Variants in RTP2 observed in about 807,000 individuals in gnomAD.
RTP2 encodes the protein receptor-transporting protein 2.
In RTP2, 12 loss-of-function variants were observed where a neutral mutation model predicts 17.9. The observed-to-expected ratio is 0.67, with a 90% CI of 0.43 to 1.09. The LOEUF is 1.09. Ranked by LOEUF, RTP2 falls within the 50% of genes least tolerant of loss-of-function variation. The probability of loss-of-function intolerance (pLI) is 0.00; values close to 1 mark genes in which losing one functional copy is unlikely to be tolerated. For missense variants in RTP2, 327 were observed against 295.7 expected (o/e 1.11, Z -0.78); for synonymous variants, 126 against 117.7 (o/e 1.07, Z -0.46).
upstream of RTP2, among the ~76,000 whole-genome samples, chr3:187,705,482 CT>C (rs1259953044): frequency 6.6e-6 from 1 of 152,224 alleles, no homozygotes; most frequent in Non-Finnish European, 1.5e-5. Context: ...CCTGGGCAGA[CT>C]TTTAAAAATA....
Position 187,698,966 on chromosome 3 carries a change from C to T in RTP2, c.210G>A (p.Val70=), listed in dbSNP as rs61755870. The stretch of plus-strand genomic sequence containing the variant: ...CCAGGAACATGTGGAAGAGGATGAC[C>T]ACATGGGCAGACTGCCAGGTGTGCC... The change falls in exon 2 of 2, where the codon GTG becomes GTA. Residue 70 remains valine, a synonymous_variant. Transcript: ENST00000358241. The T allele has an allele frequency of 2.1e-3, 3,364 of 1,600,874 alleles. 44 individuals carry two copies. The African/African-American group carries it at 0.033, about 16-fold the overall frequency.
chr3:187,706,031 A>G (rs1717983466), upstream of RTP2, among the ~76,000 whole-genome samples: 1 of 152,238 alleles, frequency 6.6e-6, no homozygotes, highest in Non-Finnish European at 1.5e-5. Flanking sequence ...TACACAGTCA[A>G]TAGGAGTCAC....
At chr3:187,705,038 T>C (rs778444462), upstream of RTP2, among the ~76,000 whole-genome samples, 5 of 152,168 alleles carry the variant, frequency 3.3e-5, no homozygotes, top group Admixed American at 6.5e-5. Context: ...GGAATCTGTA[T>C]TAAGAGTGAC....
upstream of RTP2, among the ~76,000 whole-genome samples, chr3:187,705,299 A>C (rs1311762878): frequency 6.6e-6 from 1 of 152,160 alleles, no homozygotes; most frequent in Non-Finnish European, 1.5e-5. Context: ...CCTTAGCTAT[A>C]CTCAGAGAAC....
chr3:187,712,791 C>T, the RTP2 span, among the ~76,000 whole-genome samples: 1 of 152,182 alleles, frequency 6.6e-6, no homozygotes, highest in South Asian at 2.1e-4. Flanking sequence ...AGAGCAATCT[C>T]CTACCTCCAT....
chr3:187,713,735 T>C, the RTP2 span, among the ~76,000 whole-genome samples: 5,992 of 151,882 alleles, frequency 0.039, 181 homozygotes, highest in Admixed American at 0.12. Context: ...AGGGGACCAA[T>C]CAGAGGTACT....
At chr3:187,700,611 T>TTTTTACA (rs1717820482) in intron 1 of RTP2, among the ~76,000 whole-genome samples, 1 of 152,218 alleles carries the variant, frequency 6.6e-6, no homozygotes, top group African/African-American at 2.4e-5. Context: ...CTTCTACACC[T>TTTTTACA]TTTTACATCA....
chr3:187,710,298 G>C, the RTP2 span, among the ~76,000 whole-genome samples: 1 of 151,476 alleles, frequency 6.6e-6, no homozygotes, highest in Non-Finnish European at 1.5e-5. Context: ...TCAGCTTGTA[G>C]TTGGCAAGAC....
At chr3:187,699,605 T>C (rs1445495376) in intron 1 of RTP2, among the ~76,000 whole-genome samples, 1 of 151,904 alleles carries the variant, frequency 6.6e-6, no homozygotes, top group Non-Finnish European at 1.5e-5. Context: ...TAGGAGGAAC[T>C]ACCAAGTTTA....
rs1047948869 is a variant in RTP2 at position 187,702,279 on chromosome 3, C to A, written c.-151G>T. 1.4e-6 allele frequency: 1 copy of A among 739,688 alleles called. No homozygotes were observed. The highest frequency in any genetic ancestry group is 2.6e-5 in the East Asian group (1 of 38,516). The allele number at this position is 739,688 out of a possible 1,614,324, so 45.8% of individuals were successfully genotyped here. ...GGACCCAGCTCCCTCCTCTGTTACC[C>A]TGGAACCTGTTACCATGGTAGCCAG... On this transcript the variant is annotated 5_prime_UTR_variant, in exon 1 of 2. In the 5' UTR this introduces an upstream ATG that the reference lacks. Transcript: ENST00000358241.
chr3:187,710,384 T>TATAC, the RTP2 span, among the ~76,000 whole-genome samples: 1 of 148,256 alleles, frequency 6.7e-6, no homozygotes, highest in East Asian at 2.0e-4. Context: ...TCCATATATA[T>TATAC]ATATATATAT....
chr3:187,702,430 C>T (rs2293244), exon 1 of RTP2: 67,665 of 516,258 alleles, frequency 0.13, 5,619 homozygotes, highest in African/African-American at 0.31. Context: ...GGAGGCCCAA[C>T]CTCAGACCAC....
At chr3:187,713,717 G>T in the RTP2 span, among the ~76,000 whole-genome samples, 1 of 151,988 alleles carries the variant, frequency 6.6e-6, no homozygotes, top group African/African-American at 2.4e-5. Flanking sequence ...AGTCTGATTG[G>T]TTGCAGGAGG....
chr3:187,702,369 G>A (rs979260829), exon 1 of RTP2: 2 of 562,816 alleles, frequency 3.6e-6, no homozygotes, highest in Non-Finnish European at 6.6e-6. Context: ...AGGGCCCTGA[G>A]TTAGGCTTCA....
At chr3:187,713,063 G>T in the RTP2 span, among the ~76,000 whole-genome samples, 1 of 152,176 alleles carries the variant, frequency 6.6e-6, no homozygotes, top group African/African-American at 2.4e-5. Context: ...CAGAGTCATT[G>T]AGTGTAATCA....
At chr3:187,709,524 A>C in the RTP2 span, among the ~76,000 whole-genome samples, 2 of 152,130 alleles carry the variant, frequency 1.3e-5, no homozygotes, top group Non-Finnish European at 2.9e-5. Flanking sequence ...TCTCTACTAA[A>C]AATACAAAAA....
chr3:187,714,161 G>T, the RTP2 span, among the ~76,000 whole-genome samples: 1 of 152,174 alleles, frequency 6.6e-6, no homozygotes, highest in Admixed American at 6.5e-5. Flanking sequence ...GTGAACCCTT[G>T]GAGATGAAAG....
the RTP2 span, among the ~76,000 whole-genome samples, chr3:187,714,300 C>T: frequency 6.6e-6 from 1 of 152,132 alleles, no homozygotes; most frequent in Non-Finnish European, 1.5e-5. Context: ...TAACCCCTTA[C>T]CTTTTCGAGA....
chr3:187,713,202 C>T, the RTP2 span, among the ~76,000 whole-genome samples: 2 of 152,212 alleles, frequency 1.3e-5, no homozygotes, highest in African/African-American at 4.8e-5. Context: ...CACTGTGATG[C>T]AGGTGGTGGG....
Sources: allele counts gnomAD v4.1 joint callset (sites outside exome capture counted in the v4.1 genomes callset), GRCh38; gene constraint gnomAD v4.1.1; transcripts MANE v1.5; gene names NCBI Gene and HGNC (gene_info 2026-07-23, HGNC 2026-07-21).